SASH1: variants seen among roughly 807,000 people sequenced by gnomAD.
SASH1 encodes SAM and SH3 domain containing 1.
Under a neutral mutation model 125.2 loss-of-function variants are expected in SASH1, and 44 were observed. That is an observed-to-expected ratio of 0.35 (90% confidence interval 0.28 to 0.45). SASH1 has a LOEUF of 0.45. Among genes scored for constraint, SASH1 ranks in the 20% least tolerant of loss-of-function variants. The probability of loss-of-function intolerance (pLI) is 1.00; values close to 1 mark genes in which losing one functional copy is unlikely to be tolerated. For synonymous variants in SASH1, 639 were observed against 649.1 expected, an observed-to-expected ratio of 0.98 and a Z score of 0.24; for missense variants, 1,426 against 1,614.5, an observed-to-expected ratio of 0.88 and a Z score of 2.00.
chr6:148,375,209 C>G (rs1782846059), intron 1 of SASH1, among the ~76,000 whole-genome samples: 1 of 151,860 alleles, frequency 6.6e-6, no homozygotes, highest in Non-Finnish European at 1.5e-5. Context: ...CCAGGCTGGT[C>G]TCGAACTCCT....
chr6:148,499,666 C>T (rs1318230668), intron 8 of SASH1, among the ~76,000 whole-genome samples: 1 of 152,150 alleles, frequency 6.6e-6, no homozygotes, highest in Non-Finnish European at 1.5e-5. Context: ...TGAGGAAGAG[C>T]TTTCCAGGAG....
intron 7 of SASH1, among the ~76,000 whole-genome samples, chr6:148,477,464 C>G (rs1778413966): frequency 6.6e-6 from 1 of 152,172 alleles, no homozygotes; most frequent in South Asian, 2.1e-4. Context: ...TGAAAAGGTG[C>G]TCAACATTAT....
In SASH1 at chr6:148,382,296, C is replaced by A. The variant is rs368952875; in HGVS notation, c.157-7838C>A. Among the ~76,000 whole-genome samples, 223 of 152,130 alleles carry A rather than the reference C, an allele frequency of 1.5e-3. 2 individuals are homozygous for A. Among genetic ancestry groups the A allele is most frequent in the African/African-American group, 4.9e-3 (203 of 41,530 alleles). ...TGTGTCCTCGGCCATGTGTGCAGGT[C>A]CATTGTGAAGAGTGTGACGGTCTCG... On this transcript the variant is annotated intron_variant, in intron 1 of 19. Coordinates refer to ENST00000367467, the MANE Select transcript of SASH1 (RefSeq NM_015278.5).
intron 1 of SASH1, among the ~76,000 whole-genome samples, chr6:148,293,012 A>G (rs2128509356): frequency 6.6e-6 from 1 of 151,336 alleles, no homozygotes; most frequent in East Asian, 1.9e-4. Flanking sequence ...AGATCGCACC[A>G]CCCACTGTAC....
chr6:148,543,614 C>T, intron 17 of SASH1, 66 bp from the exon 18 acceptor site: 1 of 1,369,050 alleles, frequency 7.3e-7, no homozygotes, highest in Non-Finnish European at 9.9e-7. Flanking sequence ...GTTAGCACAA[C>T]TTTATGCATC....
At chr6:148,278,540 T>C (rs2128504703) in intron 1 of SASH1, 1 of 152,170 alleles carries the variant, frequency 6.6e-6, no homozygotes, top group Non-Finnish European at 1.5e-5. Flanking sequence ...CTTTTAAATT[T>C]AATTTAAATC....
At chr6:148,269,043 T>C (rs1476356073), upstream of SASH1, among the ~76,000 whole-genome samples, 1 of 152,234 alleles carries the variant, frequency 6.6e-6, no homozygotes, top group Non-Finnish European at 1.5e-5. Context: ...TTATCTCTTT[T>C]TATTTTTGAT....
At chr6:148,385,203 T>C (rs1783311871) in intron 1 of SASH1, among the ~76,000 whole-genome samples, 1 of 152,204 alleles carries the variant, frequency 6.6e-6, no homozygotes, top group Admixed American at 6.5e-5. Flanking sequence ...GTGGCTATTA[T>C]GGCATGTTGT....
At chr6:148,409,361 G>A (rs1784505180) in intron 2 of SASH1, among the ~76,000 whole-genome samples, 2 of 152,170 alleles carry the variant, frequency 1.3e-5, no homozygotes, top group Non-Finnish European at 2.9e-5. Flanking sequence ...ATTAAATGTA[G>A]AAGTTTATTC....
At chr6:148,514,007 G>T (rs1264767093) in intron 8 of SASH1, 2 of 1,029,812 alleles carry the variant, frequency 1.9e-6, no homozygotes, top group African/African-American at 1.7e-5. Context: ...CAGCATCGGA[G>T]GGAGAGTCCT....
rs115091754 is a variant in SASH1 at position 148,396,795 on chromosome 6, A to T, written c.285+6533A>T. ...GGTTCAAATTCTGGCTCTTTTACTT[A>T]CCTGGCAAGTGAGGTAACCTCTCCT... is the stretch of plus-strand genomic sequence containing the variant. On this transcript the variant is annotated intron_variant, in intron 2 of 19. Transcript: ENST00000367467. Among the ~76,000 whole-genome samples, 236 of 152,304 alleles carry T rather than the reference A, an allele frequency of 1.5e-3. 2 individuals carry two copies. Among genetic ancestry groups the T allele is most frequent in the African/African-American group, 5.5e-3 (228 of 41,566 alleles).
chr6:148,455,719 A>G (rs1777308406), intron 4 of SASH1, among the ~76,000 whole-genome samples: 3 of 152,254 alleles, frequency 2.0e-5, no homozygotes, highest in African/African-American at 7.2e-5. Context: ...TGAATGAATT[A>G]GAAGTGGGGC....
intron 1 of SASH1, among the ~76,000 whole-genome samples, chr6:148,299,976 T>C (rs924265955): frequency 1.3e-5 from 2 of 152,168 alleles, no homozygotes; most frequent in Non-Finnish European, 2.9e-5. Context: ...GCCTGGGGCC[T>C]GTTTCCACTG....
chr6:148,380,284 C>T (rs781570664), intron 1 of SASH1, among the ~76,000 whole-genome samples: 1 of 152,168 alleles, frequency 6.6e-6, no homozygotes, highest in Non-Finnish European at 1.5e-5. Flanking sequence ...TTCTAAAACA[C>T]AAAAACTCAA....
chr6:148,395,084 A>G (rs1304792997), intron 2 of SASH1, among the ~76,000 whole-genome samples: 3 of 152,376 alleles, frequency 2.0e-5, no homozygotes, highest in Admixed American at 1.3e-4. Context: ...GAAAAGTAGC[A>G]TTAGATTTGT....
intron 1 of SASH1, among the ~76,000 whole-genome samples, chr6:148,363,332 G>T (rs190973820): frequency 0.029 from 4,374 of 151,998 alleles, 197 homozygotes; most frequent in East Asian, 0.18. Flanking sequence ...TGTAGAGACA[G>T]GGTTTCACCA....
At chr6:148,348,783 G>A (rs1443516372) in intron 1 of SASH1, among the ~76,000 whole-genome samples, 1 of 152,184 alleles carries the variant, frequency 6.6e-6, no homozygotes, top group East Asian at 1.9e-4. Context: ...GCTAATTTTT[G>A]TTTGTTTAAG....
chr6:148,470,544 C>T (rs1778051013), intron 5 of SASH1, among the ~76,000 whole-genome samples: 2 of 152,232 alleles, frequency 1.3e-5, no homozygotes, highest in Admixed American at 6.5e-5. Context: ...TCTACCCACT[C>T]ATTTTACTTA....
At chr6:148,265,732 G>A in the SASH1 span, among the ~76,000 whole-genome samples, 4 of 152,168 alleles carry the variant, frequency 2.6e-5, no homozygotes, top group Non-Finnish European at 5.9e-5. Flanking sequence ...TCTGAGACCT[G>A]TGCCCAAGCC....
Sources: gnomAD v4.1 joint callset for allele counts (sites outside exome capture counted in the v4.1 genomes callset) on GRCh38, gnomAD v4.1.1 for gene constraint, MANE v1.5 for transcripts, NCBI Gene and HGNC (gene_info 2026-07-23, HGNC 2026-07-21) for gene names.